The following HNF4G variants were observed in gnomAD, a reference collection of about 807,000 sequenced individuals.
The protein encoded by HNF4G is hepatocyte nuclear factor 4-gamma.
HNF4G carries 21 observed loss-of-function variants against 50.9 expected under a neutral mutation model. The observed-to-expected ratio is 0.41, with a 90% CI of 0.29 to 0.59. The LOEUF is 0.59. Ranked by LOEUF, HNF4G falls within the 20% of genes least tolerant of loss-of-function variation. The probability of loss-of-function intolerance (pLI) is 0.26; values close to 1 mark genes in which losing one functional copy is unlikely to be tolerated. For missense variants in HNF4G, 527 were observed against 559.4 expected, an observed-to-expected ratio of 0.94 and a Z score of 0.58; for synonymous variants, 198 against 185.6, an observed-to-expected ratio of 1.07 and a Z score of -0.54.
intron 3 of HNF4G, 33 bp from the exon 4 acceptor site, chr8:75,551,355 G>A (rs1418936748): frequency 8.2e-7 from 1 of 1,215,116 alleles, no homozygotes; most frequent in Non-Finnish European, 1.2e-6. Context: ...CTAAAGAGAA[G>A]TGCTCAATAA....
intron 1 of HNF4G, among the ~76,000 whole-genome samples, chr8:75,435,500 C>T (rs1248763213): frequency 6.6e-6 from 1 of 152,168 alleles, no homozygotes; most frequent in East Asian, 1.9e-4. Context: ...TGCCTGTTTT[C>T]ACCACATCAA....
At chr8:75,523,052 C>T (rs1302073864) in intron 2 of HNF4G, among the ~76,000 whole-genome samples, 1 of 151,858 alleles carries the variant, frequency 6.6e-6, no homozygotes, top group Non-Finnish European at 1.5e-5. Flanking sequence ...TGGTGAATCC[C>T]ATCTCTACTA....
At chr8:75,563,884 T>C in intron 9 of HNF4G, 91 bp from the exon 10 acceptor site, 2 of 1,376,648 alleles carry the variant, frequency 1.5e-6, no homozygotes, top group Non-Finnish European at 2.0e-6. Context: ...ATTTCCAAAT[T>C]ACGCTAATGT....
intron 3 of HNF4G, among the ~76,000 whole-genome samples, chr8:75,549,516 T>C (rs944703068): frequency 8.6e-5 from 13 of 151,044 alleles, no homozygotes; most frequent in African/African-American, 3.2e-4. Flanking sequence ...AAAATATTAC[T>C]GATTCACTCC....
intron 2 of HNF4G, among the ~76,000 whole-genome samples, chr8:75,492,532 C>A (rs1812656263): frequency 6.6e-6 from 1 of 152,268 alleles, no homozygotes; most frequent in Admixed American, 6.5e-5. Context: ...CCATTCTCAC[C>A]AATAATGATG....
At chr8:75,530,845 T>C (rs1437648597) in intron 2 of HNF4G, among the ~76,000 whole-genome samples, 1 of 144,090 alleles carries the variant, frequency 6.9e-6, no homozygotes, top group Non-Finnish European at 1.5e-5. Flanking sequence ...CAGGCTGGAG[T>C]GCAGTTGTGC....
At chr8:75,517,200 T>C (rs943992572) in intron 2 of HNF4G, among the ~76,000 whole-genome samples, 7 of 152,148 alleles carry the variant, frequency 4.6e-5, no homozygotes, top group Admixed American at 2.0e-4. Flanking sequence ...CCATTACATA[T>C]GGGAATTATG....
At chr8:75,454,220 T>G (rs1811663549) in intron 1 of HNF4G, among the ~76,000 whole-genome samples, 1 of 152,016 alleles carries the variant, frequency 6.6e-6, no homozygotes, top group South Asian at 2.1e-4. Flanking sequence ...CAGAACTCAA[T>G]TCTGCTAGCA....
upstream of HNF4G, among the ~76,000 whole-genome samples, chr8:75,537,761 A>G (rs1806507064): frequency 6.6e-6 from 1 of 152,086 alleles, no homozygotes. Flanking sequence ...GAGACTTATG[A>G]AAAAAAATTT....
intron 1 of HNF4G, among the ~76,000 whole-genome samples, chr8:75,476,236 T>G (rs1043177139): frequency 3.3e-5 from 5 of 152,188 alleles, no homozygotes; most frequent in African/African-American, 1.2e-4. Context: ...GGCATTCCAG[T>G]TCCATACATA....
At chr8:75,415,453 A>G (rs1810611213) in intron 1 of HNF4G, among the ~76,000 whole-genome samples, 1 of 152,166 alleles carries the variant, frequency 6.6e-6, no homozygotes, top group Non-Finnish European at 1.5e-5. Context: ...ATGGAGTAAA[A>G]TAGAAAAAGG....
chr8:75,507,298 C>T (rs907804194), intron 2 of HNF4G, among the ~76,000 whole-genome samples: 19 of 148,308 alleles, frequency 1.3e-4, no homozygotes, highest in Admixed American at 6.8e-5. Context: ...CTCGCTCTCT[C>T]GCCCAGGCTG....
intron 1 of HNF4G, among the ~76,000 whole-genome samples, chr8:75,481,521 T>C (rs1812378180): frequency 6.6e-6 from 1 of 152,184 alleles, no homozygotes; most frequent in Non-Finnish European, 1.5e-5. Flanking sequence ...ACCTGTTCTT[T>C]GTTCTGTTAG....
chr8:75,466,579 TC>T (rs1811980461), intron 1 of HNF4G, among the ~76,000 whole-genome samples: 1 of 64,716 alleles, frequency 1.5e-5, no homozygotes, highest in Non-Finnish European at 3.2e-5. Context: ...GCTCCTTCCT[TC>T]CTTCCTTCCT....
intron 1 of HNF4G, among the ~76,000 whole-genome samples, chr8:75,481,215 T>C (rs1308569602): frequency 6.6e-6 from 1 of 152,222 alleles, no homozygotes; most frequent in African/African-American, 2.4e-5. Context: ...CTATATTACA[T>C]CTGAAATTTC....
intron 1 of HNF4G, among the ~76,000 whole-genome samples, chr8:75,463,058 G>GTTTTT (rs1219575361): frequency 1.9e-4 from 25 of 131,006 alleles, no homozygotes; most frequent in African/African-American, 4.6e-4. Context: ...ATGTCTGCTT[G>GTTTTT]TTTTTTTGTT....
intron 1 of HNF4G, among the ~76,000 whole-genome samples, chr8:75,434,906 CT>C (rs1306145344): frequency 6.6e-6 from 1 of 152,180 alleles, no homozygotes; most frequent in African/African-American, 2.4e-5. Context: ...TCATTAAGGA[CT>C]TGAACCCATT....
At chr8:75,491,545 G>A (rs567375008) in intron 2 of HNF4G, among the ~76,000 whole-genome samples, 9 of 151,480 alleles carry the variant, frequency 5.9e-5, no homozygotes, top group East Asian at 3.9e-4. Context: ...TGCGATCTCC[G>A]CTCACTGCAA....
intron 1 of HNF4G, among the ~76,000 whole-genome samples, chr8:75,455,067 A>C (rs1006481705): frequency 6.6e-6 from 1 of 152,166 alleles, no homozygotes; most frequent in Non-Finnish European, 1.5e-5. Flanking sequence ...TTTTGTGTAA[A>C]TAATACATTC....
Sources: allele counts gnomAD v4.1 joint callset (sites outside exome capture counted in the v4.1 genomes callset), GRCh38; gene constraint gnomAD v4.1.1; transcripts MANE v1.5; gene names NCBI Gene and HGNC (gene_info 2026-07-23, HGNC 2026-07-21).